DOCK2: variants seen among roughly 807,000 people sequenced by gnomAD.
The protein encoded by DOCK2 is dedicator of cytokinesis protein 2.
DOCK2 carries 87 observed loss-of-function variants against 248.9 expected under a neutral mutation model. The ratio of observed to expected loss-of-function variants is 0.35; its 90% CI spans 0.29 to 0.42. DOCK2 has a LOEUF of 0.42. Among genes scored for constraint, DOCK2 ranks in the 10% least tolerant of loss-of-function variants. The pLI is 1.00. For missense variants in DOCK2, 1,747 were observed against 2,300.2 expected (o/e 0.76, Z 4.92); for synonymous variants, 805 against 821.6 (o/e 0.98, Z 0.35).
rs144495910 is a variant in DOCK2 at position 170,048,797 on chromosome 5, C to T, written c.4071+1183C>T. 4.1e-3 allele frequency among the ~76,000 whole-genome samples: 625 copies of T among 152,288 alleles called. 4 individuals are homozygous for T. The highest frequency in any genetic ancestry group is 0.014 in the African/African-American group (586 of 41,550). ...ACTGTAGTGGCCTATTTACCCATCA[C>T]GTGACGAATTGGATTAGGTCACCAG... On this transcript the variant is annotated intron_variant, in intron 40 of 51. Transcript: ENST00000520908.
chr5:169,924,890 C>T (rs894106399), intron 27 of DOCK2, among the ~76,000 whole-genome samples: 1 of 152,134 alleles, frequency 6.6e-6, no homozygotes, highest in Admixed American at 6.6e-5. Flanking sequence ...ATAACTACTT[C>T]CTCTAGAAGT....
intron 44 of DOCK2, among the ~76,000 whole-genome samples, chr5:170,064,769 A>G (rs150172365): frequency 1.1e-4 from 16 of 152,342 alleles, no homozygotes; most frequent in Admixed American, 7.8e-4. Context: ...CCCAAAGGAC[A>G]ACAAATCAGA....
chr5:170,082,807 A>T lies in DOCK2; in HGVS notation c.5442A>T (p.Lys1814Asn). The T allele has an allele frequency of 6.2e-7, 1 of 1,614,192 alleles. No homozygotes were observed. Among genetic ancestry groups the T allele is most frequent in the Non-Finnish European group, 8.5e-7 (1 of 1,180,030 alleles). Residue 1814 changes from lysine to asparagine, a missense_variant, in exon 52 of 52, where the codon AAA (lysine) becomes AAT (asparagine). By Grantham distance (94) the Lys-to-Asn change is moderately conservative. Transcript: ENST00000520908. ...TATTCTCTCAAAAGCTGGCCAGCAA[A>T]TCGGCTGAAGAAGGCAAACAGATCC... ...NQFFKTMLAS[K>N]SAEEGKQIPD... is the part of the protein sequence containing the mutation.
chr5:169,719,098 T>C (rs1044705675), intron 22 of DOCK2, among the ~76,000 whole-genome samples: 7 of 152,224 alleles, frequency 4.6e-5, no homozygotes, highest in African/African-American at 1.7e-4. Context: ...TTTCCAGCAA[T>C]CTATATCCAA....
chr5:169,737,609 C>T (rs1402848880), intron 22 of DOCK2, among the ~76,000 whole-genome samples: 1 of 152,106 alleles, frequency 6.6e-6, no homozygotes, highest in African/African-American at 2.4e-5. Context: ...AGACTTTCAG[C>T]CTCCCCCATA....
At chr5:169,772,208 G>C (rs1361459370) in intron 25 of DOCK2, among the ~76,000 whole-genome samples, 1 of 152,186 alleles carries the variant, frequency 6.6e-6, no homozygotes, top group Non-Finnish European at 1.5e-5. Flanking sequence ...AAAAGGAGTA[G>C]CCTCTCCTCC....
At chr5:169,753,566 C>T (rs1269663733) in intron 23 of DOCK2, among the ~76,000 whole-genome samples, 1 of 152,182 alleles carries the variant, frequency 6.6e-6, no homozygotes, top group Non-Finnish European at 1.5e-5. Context: ...ATTAGTATAT[C>T]TTGGATTTAA....
At chr5:169,928,623 G>C (rs1414293232) in intron 27 of DOCK2, among the ~76,000 whole-genome samples, 1 of 152,186 alleles carries the variant, frequency 6.6e-6, no homozygotes, top group East Asian at 1.9e-4. Flanking sequence ...TGGAGGCCTA[G>C]CAGGAGACAA....
At chr5:170,081,457 A>G (rs13181782) in intron 50 of DOCK2, 31,589 of 180,998 alleles carry the variant, frequency 0.17, 3,440 homozygotes, top group Non-Finnish European at 0.23. Flanking sequence ...TGGGTTTGAG[A>G]CTCTCTTCCC....
intron 26 of DOCK2, among the ~76,000 whole-genome samples, chr5:169,813,318 T>C (rs747591933): frequency 2.0e-5 from 3 of 152,244 alleles, no homozygotes; most frequent in Non-Finnish European, 2.9e-5. Context: ...TTTATTTTTA[T>C]CTACCCTCTT....
intron 27 of DOCK2, among the ~76,000 whole-genome samples, chr5:169,904,717 A>G (rs1056005259): frequency 7.2e-5 from 11 of 152,370 alleles, no homozygotes; most frequent in Middle Eastern, 3.4e-3. Flanking sequence ...GGGTGGCCTC[A>G]GCTCAGCGAG....
At chr5:169,724,803 A>G (rs1190271002) in intron 22 of DOCK2, among the ~76,000 whole-genome samples, 2 of 150,390 alleles carry the variant, frequency 1.3e-5, no homozygotes, top group African/African-American at 4.9e-5. Flanking sequence ...CCACCCTACC[A>G]ATCAACCTCC....
At chr5:169,651,871 G>A (rs138152592) in intron 1 of DOCK2, among the ~76,000 whole-genome samples, 187 of 152,298 alleles carry the variant, frequency 1.2e-3, no homozygotes, top group Non-Finnish European at 2.2e-3. Context: ...AGTGTTGGTC[G>A]ACAGAGCAGT....
At chr5:170,057,867 T>C (rs1446397403) in intron 44 of DOCK2, among the ~76,000 whole-genome samples, 5 of 152,048 alleles carry the variant, frequency 3.3e-5, no homozygotes, top group Non-Finnish European at 7.4e-5. Flanking sequence ...ATAACCTTTT[T>C]GTTCCCTGCA....
intron 27 of DOCK2, among the ~76,000 whole-genome samples, chr5:169,977,905 C>A (rs1777773029): frequency 6.6e-6 from 1 of 152,174 alleles, no homozygotes; most frequent in African/African-American, 2.4e-5. Flanking sequence ...GCACCAATTT[C>A]ATCCAAGAAT....
At chr5:169,825,409 G>C (rs1257459411) in intron 26 of DOCK2, among the ~76,000 whole-genome samples, 1 of 151,602 alleles carries the variant, frequency 6.6e-6, no homozygotes, top group Admixed American at 6.6e-5. Flanking sequence ...AGAAAATGTG[G>C]CACATATACA....
At chr5:169,694,153 C>T (rs1760467807) in intron 9 of DOCK2, among the ~76,000 whole-genome samples, 1 of 152,238 alleles carries the variant, frequency 6.6e-6, no homozygotes, top group Non-Finnish European at 1.5e-5. Flanking sequence ...CCTCCTATAC[C>T]AGCATAGTGA....
intron 27 of DOCK2, among the ~76,000 whole-genome samples, chr5:169,892,124 T>C (rs551677105): frequency 1.3e-4 from 20 of 152,216 alleles, no homozygotes; most frequent in African/African-American, 4.8e-4. Context: ...AAATCAGCCT[T>C]CCAAATCCAA....
chr5:169,950,093 C>A (rs1776598644), intron 27 of DOCK2, among the ~76,000 whole-genome samples: 1 of 152,126 alleles, frequency 6.6e-6, no homozygotes, highest in Non-Finnish European at 1.5e-5. Flanking sequence ...CATCTGGCAC[C>A]ATTCTCAGTA....
Sources: allele counts gnomAD v4.1 joint callset (sites outside exome capture counted in the v4.1 genomes callset), GRCh38; gene constraint gnomAD v4.1.1; transcripts MANE v1.5; gene names NCBI Gene and HGNC (gene_info 2026-07-23, HGNC 2026-07-21).